Variants in HSPG2 observed in about 807,000 individuals in gnomAD.
The protein encoded by HSPG2 is heparan sulfate proteoglycan 2.
A neutral mutation model predicts 526.6 loss-of-function variants in HSPG2; 278 were observed. The ratio of observed to expected loss-of-function variants is 0.53; its 90% CI spans 0.48 to 0.58. The LOEUF (loss-of-function observed/expected upper bound fraction) is 0.58, where lower values mean the gene tolerates loss of function less well. Ranked by LOEUF, HSPG2 falls within the 20% of genes least tolerant of loss-of-function variation. The probability of loss-of-function intolerance (pLI) is 0.00; values close to 1 mark genes in which losing one functional copy is unlikely to be tolerated. For synonymous variants in HSPG2, 2,465 were observed against 2,555.4 expected (o/e 0.96, Z 1.07); for missense variants, 5,354 against 6,099.5 (o/e 0.88, Z 4.07).
rs1569766218 is a variant in HSPG2 at position 21,936,975 on chromosome 1, AG to A, written c.63+179del. 2.0e-5 allele frequency among the ~76,000 whole-genome samples: 3 copies of A among 151,452 alleles called. 1 individual carries two copies. The highest frequency in any genetic ancestry group is 2.0e-4 in the Admixed American group (3 of 15,244). On this transcript the variant is annotated intron_variant, in intron 1 of 96. Coordinates refer to ENST00000374695, the MANE Select transcript of HSPG2 (RefSeq NM_005529.7). ...TCCTGACTGGTGGCCCCCCTGGATTAGCCCCATGCCGCAGGGTGGCGCCGGC... is the reference window on the plus strand; with the variant it reads ...TCCTGACTGGTGGCCCCCCTGGATTACCCCATGCCGCAGGGTGGCGCCGGC...
chr1:21,862,168 G>A, intron 37 of HSPG2, 53 bp from the exon 38 acceptor site: 1 of 1,600,356 alleles, frequency 6.2e-7, no homozygotes, highest in South Asian at 1.1e-5. Context: ...TTTACCAGAA[G>A]CCTTTCAGGG....
rs372140255 is a variant in HSPG2 at position 21,840,755 on chromosome 1, G to A, written c.9513+346C>T. Among the ~76,000 whole-genome samples the A allele has an allele frequency of 6.6e-5, 10 of 152,230 alleles. 1 individual carries two copies. Among genetic ancestry groups the A allele is most frequent in the African/African-American group, 2.4e-4 (10 of 41,548 alleles). On this transcript the variant is annotated intron_variant, in intron 71 of 96. Coordinates refer to ENST00000374695, the MANE Select transcript of HSPG2 (RefSeq NM_005529.7). The stretch of plus-strand genomic sequence containing the variant: ...GATCTTCCTGCCTCAGCCTCTCCAA[G>A]TGCTGGGATTACAGGCACGTGCCAC...
intron 13 of HSPG2, among the ~76,000 whole-genome samples, chr1:21,883,459 A>C (rs895572667): frequency 3.9e-5 from 6 of 152,182 alleles, no homozygotes; most frequent in Admixed American, 6.5e-5. Context: ...CTGGGACTAC[A>C]GGTGCAAGCC....
intron 1 of HSPG2, among the ~76,000 whole-genome samples, chr1:21,899,632 A>T (rs980557121): frequency 6.6e-6 from 1 of 152,188 alleles, no homozygotes; most frequent in African/African-American, 2.4e-5. Flanking sequence ...AGCAGATATG[A>T]GATCACTGGG....
rs754344689 is a variant in HSPG2, at chr1:21,842,887, G to C, written c.8793C>G (p.Ala2931=). ...GCCCTTCAGTCACGTGTGAAGAGGA[G>C]GCCTCGATGTAGATGGGCTGGGCCA... is the stretch of plus-strand genomic sequence containing the variant. ...PGLAQPIYIE[A]SSSHVTEGQT... is the part of the protein sequence containing the mutation. The change falls in exon 67 of 97, where the codon GCC becomes GCG. Residue 2931 remains alanine, a synonymous_variant. Coordinates refer to ENST00000374695, the MANE Select transcript of HSPG2 (RefSeq NM_005529.7). The C allele has an allele frequency of 1.2e-6, 2 of 1,614,180 alleles. No individual in the cohort carries two copies. The highest frequency in any genetic ancestry group is 1.7e-6 in the Non-Finnish European group (2 of 1,180,038).
At chr1:21,882,377 G>A (rs938593340) in intron 13 of HSPG2, among the ~76,000 whole-genome samples, 4 of 150,042 alleles carry the variant, frequency 2.7e-5, no homozygotes, top group African/African-American at 7.4e-5. Context: ...ATGATGGGTC[G>A]TCTAGTCCAA....
At position 21,865,860 on chromosome 1, in the gene HSPG2, T is replaced by G. The variant is rs767790131; in HGVS notation, c.4222-51A>C. The G allele has an allele frequency of 7.2e-7, 1 of 1,398,078 alleles. No individual in the cohort carries two copies. The highest frequency in any genetic ancestry group is 1.7e-5 in the Admixed American group (1 of 59,712). 86.6% of individuals were successfully genotyped at this position (1,398,078 alleles called of 1,614,324 possible). ...ACAGGCTGACCTTGGGGTGTGAGTG[T>G]TGGACCATATAGGTGAGGGATGGAG... is the stretch of plus-strand genomic sequence containing the variant. On this transcript the variant is annotated intron_variant, in intron 33 of 96. Transcript: ENST00000374695. This position sits in a 1 kb window ranked among gnomAD's most constrained non-coding sequence, Gnocchi z 5.4.
chr1:21,873,251 C>T (rs1189401875), intron 30 of HSPG2, 124 bp downstream of exon 30: 1 of 1,250,750 alleles, frequency 8.0e-7, no homozygotes, highest in East Asian at 2.3e-5. Flanking sequence ...CTCCTATCCC[C>T]ATTTTACAGA....
Position 21,865,825 on chromosome 1 carries a change from CCCAGAGGTCACAGGCTGA to C in HSPG2, c.4222-34_4222-17del, listed in dbSNP as rs1371434214. 2.4e-5 allele frequency: 39 copies of C among 1,601,872 alleles called. No individual in the cohort carries two copies. The highest frequency in any genetic ancestry group is 3.2e-5 in the Non-Finnish European group (38 of 1,169,588). ...AGGCCGCCACCTGCAAAGAGGCAAG[CCCAGAGGTCACAGGCTGA>C]CCTTGGGGTGTGAGTGTTGGACCAT... On this transcript the variant is annotated splice_polypyrimidine_tract_variant and intron_variant, in intron 33 of 96. Coordinates refer to ENST00000374695, the MANE Select transcript of HSPG2 (RefSeq NM_005529.7). The surrounding 1 kb of genome is among the most constrained non-coding windows in gnomAD (Gnocchi z 5.4).
Position 21,852,759 on chromosome 1 carries a change from C to G in HSPG2, c.6665G>C (p.Gly2222Ala). 6.2e-7 allele frequency: 1 copy of G among 1,613,300 alleles called. No homozygotes were observed. The highest frequency in any genetic ancestry group is 8.5e-7 in the Non-Finnish European group (1 of 1,180,004). Residue 2222 changes from glycine (G) to alanine (A), a missense_variant, in exon 52 of 97, where the codon GGC becomes GCC. Gly to Ala is a moderately conservative substitution (Grantham distance 60). Coordinates refer to ENST00000374695, the MANE Select transcript of HSPG2 (RefSeq NM_005529.7). The part of the protein sequence containing the change: ...DSGEYVCHVV[G>A]TSGPLEASVL... ...TGAGGCCTCTAGGGGGCCGGAGGTG[C>G]CCACCACATGGCACACATACTCGCC...
chr1:21,839,898 G>T lies in HSPG2; in HGVS notation c.9633C>A (p.Ala3211=). The change falls in exon 72 of 97, where the codon GCC becomes GCA. Residue 3211 remains alanine, a synonymous_variant. Coordinates refer to ENST00000374695, the MANE Select transcript of HSPG2 (RefSeq NM_005529.7). This position sits in a 1 kb window ranked among gnomAD's most constrained non-coding sequence, Gnocchi z 4.5. The part of the protein sequence containing the change: ...IVDTGAMAPG[A]PQVQAEEAEL... ...CAGCTTCTTCAGCTTGGACCTGAGG[G>T]GCCCCTGGGGCCATGGCGCCCGTGT... 5.0e-6 allele frequency: 8 copies of T among 1,614,156 alleles called. No individual in the cohort carries two copies. The highest frequency in any genetic ancestry group is 6.8e-6 in the Non-Finnish European group (8 of 1,180,042).
rs1238273522 is a variant in HSPG2 at position 21,841,158 on chromosome 1, G to C, written c.9456C>G (p.Thr3152=). 1.2e-6 allele frequency: 2 copies of C among 1,613,768 alleles called. No homozygotes were observed. The highest frequency in any genetic ancestry group is 2.2e-5 in the South Asian group (2 of 91,086). The part of the protein sequence containing the change: ...SSARWTRISS[T]PAKLEQRTYG... ...ATGTCCGCTGCTCCAACTTGGCAGG[G>C]GTGCTGCTGATCCGGGTCCAACGAG... is the stretch of plus-strand genomic sequence containing the variant. The change falls in exon 71 of 97, where the codon ACC becomes ACG. Residue 3152 remains threonine (T), a synonymous_variant. Transcript: ENST00000374695.
intron 1 of HSPG2, among the ~76,000 whole-genome samples, chr1:21,925,836 T>C (rs1397836963): frequency 6.6e-6 from 1 of 151,868 alleles, no homozygotes; most frequent in Non-Finnish European, 1.5e-5. Context: ...ACGTACTGGA[T>C]GGATGAAGGG....
chr1:21,853,171 G>A, intron 50 of HSPG2, 101 bp from the exon 51 acceptor site: 2 of 1,520,466 alleles, frequency 1.3e-6, no homozygotes, highest in African/African-American at 2.7e-5. Context: ...AGTGGGGACG[G>A]CCGACAGGTG....
chr1:21,928,681 A>C (rs1298191040), intron 1 of HSPG2, among the ~76,000 whole-genome samples: 1 of 151,784 alleles, frequency 6.6e-6, no homozygotes, highest in Non-Finnish European at 1.5e-5. Flanking sequence ...GACCTCAAGT[A>C]TCTGCTCACC....
Position 21,872,128 on chromosome 1 carries a change from C to T in HSPG2, c.4221+58G>A, listed in dbSNP as rs547400413. ...CAGGTGCCTGCCTGCTGAGAGACGG[C>T]GCAGAGGTGAACTCATGTCTGAGTC... is the stretch of plus-strand genomic sequence containing the variant. On this transcript the variant is annotated intron_variant, in intron 33 of 96. Coordinates refer to ENST00000374695, the MANE Select transcript of HSPG2 (RefSeq NM_005529.7). The surrounding 1 kb of genome is among the most constrained non-coding windows in gnomAD (Gnocchi z 5.5). 93 of 1,532,160 alleles carry T rather than the reference C, an allele frequency of 6.1e-5. No homozygotes were observed. Among genetic ancestry groups the T allele is most frequent in the African/African-American group, 1.2e-4 (9 of 72,720 alleles). 94.9% of individuals were successfully genotyped at this position (1,532,160 alleles called of 1,614,324 possible). A position where few individuals can be genotyped will look rare whatever the true frequency, so the allele number is the denominator to read the frequency against.
intron 1 of HSPG2, among the ~76,000 whole-genome samples, chr1:21,902,304 C>T (rs966532361): frequency 2.0e-5 from 3 of 152,204 alleles, no homozygotes; most frequent in African/African-American, 7.2e-5. Flanking sequence ...ACAGGGGCCC[C>T]CAAGGTGGCA....
chr1:21,822,295 G>A lies in HSPG2; in HGVS notation c.*1021C>T. 6.8e-7 allele frequency: 1 copy of A among 1,471,050 alleles called. No individual in the cohort carries two copies. Among genetic ancestry groups the A allele is most frequent in the Non-Finnish European group, 9.5e-7 (1 of 1,052,348 alleles). The allele number at this position is 1,471,050 out of a possible 1,614,324, so 91.1% of individuals were successfully genotyped here. A position where few individuals can be genotyped will look rare whatever the true frequency, so the allele number is the denominator to read the frequency against. On this transcript the variant is annotated 3_prime_UTR_variant, in exon 97 of 97. Transcript: ENST00000374695. The stretch of plus-strand genomic sequence containing the variant: ...AAAAATCAAGACAAAGACCACAGGA[G>A]GGTCCCTTCTAGGACACAGAGGCCA...
intron 71 of HSPG2, among the ~76,000 whole-genome samples, chr1:21,840,896 A>C (rs1480399846): frequency 6.6e-6 from 1 of 151,638 alleles, no homozygotes; most frequent in Non-Finnish European, 1.5e-5. Flanking sequence ...CCTCCCACTC[A>C]TTCTTTCTTC....
Sources: gnomAD v4.1 joint callset for allele counts (sites outside exome capture counted in the v4.1 genomes callset) on GRCh38, gnomAD v4.1.1 for gene constraint, Gnocchi (gnomAD v3.1) non-coding constraint, MANE v1.5 for transcripts, NCBI Gene and HGNC (gene_info 2026-07-23, HGNC 2026-07-21) for gene names.